Variants in RUFY2 observed in about 807,000 individuals in gnomAD.
The protein encoded by RUFY2 is RUN and FYVE domain-containing protein 2.
A neutral mutation model predicts 94.4 loss-of-function variants in RUFY2; 49 were observed. The observed-to-expected ratio is 0.52, with a 90% CI of 0.41 to 0.66. The LOEUF is 0.66. Ranked by LOEUF, RUFY2 falls within the 30% of genes least tolerant of loss-of-function variation. The probability of loss-of-function intolerance (pLI) is 0.00; values close to 1 mark genes in which losing one functional copy is unlikely to be tolerated. For missense variants in RUFY2, 541 were observed against 692.8 expected (o/e 0.78, Z 2.46); for synonymous variants, 255 against 235.7 (o/e 1.08, Z -0.75).
At chr10:68,382,556 T>C (rs1257421418) in intron 10 of RUFY2, among the ~76,000 whole-genome samples, 1 of 150,500 alleles carries the variant, frequency 6.6e-6, no homozygotes, top group South Asian at 2.1e-4. Context: ...CTACTAAAAA[T>C]ACAAAAAATT....
chr10:68,405,264 G>A (rs1196410100), intron 1 of RUFY2, among the ~76,000 whole-genome samples: 1 of 142,478 alleles, frequency 7.0e-6, no homozygotes, highest in East Asian at 2.1e-4. Flanking sequence ...AGTGAGCTGA[G>A]ATAGCGCCAC....
Position 68,343,882 on chromosome 10 carries a change from C to CT in RUFY2, c.*1885dup, listed in dbSNP as rs536706468. ...TGAGTTTTGAAAAGTGAGAAACTTA[C>CT]TTAAAGGATGACAAAATCATGGTTT... On this transcript the variant is annotated 3_prime_UTR_variant, in exon 18 of 18. Transcript: ENST00000602465. 4.2e-4 allele frequency: 58 copies of CT among 139,378 alleles called. No individual in the cohort carries two copies. Among genetic ancestry groups the CT allele is most frequent in the Non-Finnish European group, 4.9e-4 (32 of 64,742 alleles). The allele number at this position is 139,378 out of a possible 1,614,324, so 8.6% of individuals were successfully genotyped here.
chr10:68,342,683 T>C (rs2046035199), downstream of RUFY2: 1 of 152,614 alleles, frequency 6.6e-6, no homozygotes, highest in African/African-American at 2.4e-5. Flanking sequence ...GAAGCTGAAT[T>C]CTAGCCCTAG....
At position 68,381,405 on chromosome 10, in the gene RUFY2, A is replaced by G; in HGVS notation, c.940-6T>C. 1 of 1,604,692 alleles carries G rather than the reference A, an allele frequency of 6.2e-7. No individual in the cohort carries two copies. The highest frequency in any genetic ancestry group is 8.5e-7 in the Non-Finnish European group (1 of 1,176,778). ...GCTAGCTCATTCTCTACATCCTGCA[A>G]TTTCAATGTATCCTCAATTCACATG... On this transcript the variant is annotated splice_region_variant and splice_polypyrimidine_tract_variant and intron_variant, in intron 10 of 17. Transcript: ENST00000602465.
At chr10:68,350,927 T>C (rs1242720123) in intron 16 of RUFY2, among the ~76,000 whole-genome samples, 1 of 151,920 alleles carries the variant, frequency 6.6e-6, no homozygotes, top group Non-Finnish European at 1.5e-5. Context: ...GTCAGGCTGG[T>C]CTCGAACTCC....
At chr10:68,351,795 G>A (rs980973530) in intron 16 of RUFY2, among the ~76,000 whole-genome samples, 4 of 149,182 alleles carry the variant, frequency 2.7e-5, no homozygotes, top group Non-Finnish European at 4.4e-5. Context: ...GGTGGCTCAC[G>A]CCTGTAATCC....
At chr10:68,375,618 CA>C (rs1245013938) in intron 13 of RUFY2, among the ~76,000 whole-genome samples, 1 of 151,256 alleles carries the variant, frequency 6.6e-6, no homozygotes, top group East Asian at 2.0e-4. Flanking sequence ...ACTAAAAATA[CA>C]AAAAAAATTA....
chr10:68,373,046 C>A (rs1020680020), intron 13 of RUFY2, among the ~76,000 whole-genome samples: 1 of 152,050 alleles, frequency 6.6e-6, no homozygotes, highest in Non-Finnish European at 1.5e-5. Context: ...GCACATATTA[C>A]AACATTGTCT....
chr10:68,363,943 A>G (rs1441064262), intron 14 of RUFY2, 41 bp downstream of exon 14: 3 of 1,438,548 alleles, frequency 2.1e-6, no homozygotes, highest in Non-Finnish European at 2.9e-6. Flanking sequence ...ATAAGTTAAC[A>G]TTTGTCAAGA....
chr10:68,376,672 G>A (rs2048702697), intron 13 of RUFY2, among the ~76,000 whole-genome samples, 181 bp downstream of exon 13: 1 of 150,478 alleles, frequency 6.6e-6, no homozygotes, highest in South Asian at 2.1e-4. Flanking sequence ...ATCATAAAGG[G>A]AGTAAAAACA....
chr10:68,388,070 T>C (rs2049656229), intron 7 of RUFY2, among the ~76,000 whole-genome samples: 1 of 152,074 alleles, frequency 6.6e-6, no homozygotes, highest in East Asian at 1.9e-4. Context: ...TTTCAACAAA[T>C]TGGACAATAA....
At chr10:68,364,198 G>T in intron 13 of RUFY2, 85 bp from the exon 14 acceptor site, 1 of 1,320,066 alleles carries the variant, frequency 7.6e-7, no homozygotes, top group South Asian at 1.8e-5. Context: ...TCACCCTTTT[G>T]GTTTATTACT....
chr10:68,369,484 C>CAAAAAAAAAAACAAAAAAAAAAA (rs2048098035), intron 13 of RUFY2, among the ~76,000 whole-genome samples: 1 of 135,946 alleles, frequency 7.4e-6, no homozygotes, highest in Non-Finnish European at 1.6e-5. Context: ...GACCTTGTCT[C>CAAAAAAAAAAACAAAAAAAAAAA]AAAAAAAAAA....
downstream of RUFY2, chr10:68,342,953 T>A (rs1446050494): frequency 1.3e-5 from 2 of 152,214 alleles, no homozygotes; most frequent in Non-Finnish European, 1.5e-5. Context: ...CATGTCATAG[T>A]CAATAAAAAC....
intron 16 of RUFY2, among the ~76,000 whole-genome samples, chr10:68,354,361 G>T (rs2046902519): frequency 1.3e-5 from 2 of 151,844 alleles, no homozygotes; most frequent in African/African-American, 4.8e-5. Context: ...TTATTTTTTA[G>T]TAGAAATAAG....
At chr10:68,377,946 TTA>T (rs975834097) in intron 12 of RUFY2, 1 of 985,276 alleles carries the variant, frequency 1.0e-6, no homozygotes, top group Non-Finnish European at 1.2e-6. Context: ...AACATTTAAG[TTA>T]TCTCCAAATC....
rs2046964240 is a variant in RUFY2, at chr10:68,355,255, A to G, written c.1599+98T>C. The G allele has an allele frequency of 4.2e-5, 35 of 841,746 alleles. No individual in the cohort carries two copies. The South Asian group carries it at 5.4e-4, about 13-fold the overall frequency. 52.1% of individuals were successfully genotyped at this position (841,746 alleles called of 1,614,324 possible). ...CCTCATTCAGTGCTTCGGCCTCTAT[A>G]TATCCTGGGGTTAATAATACATTAG... On this transcript the variant is annotated intron_variant, in intron 16 of 17. Coordinates refer to ENST00000602465, the MANE Select transcript of RUFY2 (RefSeq NM_001330103.2).
chr10:68,345,864 G>A lies in RUFY2; in HGVS notation c.1725C>T (p.Asp575=). 6.2e-7 allele frequency: 1 copy of A among 1,614,134 alleles called. No individual in the cohort carries two copies. The highest frequency in any genetic ancestry group is 8.5e-7 in the Non-Finnish European group (1 of 1,179,986). ...CGEIFCNACS[D]NELPLPSSPK... ...GTGAAGAAGGCAAAGGTAGTTCGTT[G>A]TCAGAGCAGGCATTACAGAAAATTT... The change falls in exon 18 of 18, where the codon GAC becomes GAT. Residue 575 remains aspartate, a synonymous_variant. Coordinates refer to ENST00000602465, the MANE Select transcript of RUFY2 (RefSeq NM_001330103.2).
chr10:68,396,759 T>A, intron 4 of RUFY2, 21 bp downstream of exon 4: 1 of 1,503,418 alleles, frequency 6.7e-7, no homozygotes, highest in Non-Finnish European at 9.2e-7. Flanking sequence ...AATGAAAAGA[T>A]CACGACTTAA....
Sources: allele counts gnomAD v4.1 joint callset (sites outside exome capture counted in the v4.1 genomes callset), GRCh38; gene constraint gnomAD v4.1.1; transcripts MANE v1.5; gene names NCBI Gene and HGNC (gene_info 2026-07-23, HGNC 2026-07-21).